The following SLC8A1 variants were observed in gnomAD, a reference collection of about 807,000 sequenced individuals.
SLC8A1 encodes the protein solute carrier family 8 member A1.
In SLC8A1, 18 loss-of-function variants were observed where a neutral mutation model predicts 68.3. That is an observed-to-expected ratio of 0.26 (90% confidence interval 0.18 to 0.39). SLC8A1 has a LOEUF of 0.39. Among genes scored for constraint, SLC8A1 ranks in the 10% least tolerant of loss-of-function variants. SLC8A1 has a pLI of 1.00. For synonymous variants in SLC8A1, 475 were observed against 415.5 expected (o/e 1.14, Z -1.74); for missense variants, 985 against 1,156.7 (o/e 0.85, Z 2.15).
intron 2 of SLC8A1, among the ~76,000 whole-genome samples, chr2:40,351,431 C>CAATCACTA (rs58132349): frequency 0.016 from 2,458 of 151,984 alleles, 75 homozygotes; most frequent in African/African-American, 0.056. Flanking sequence ...GAGACCATAC[C>CAATCACTA]AATCACTAGG....
At position 40,278,828 on chromosome 2, in the gene SLC8A1, C is replaced by G. The variant is rs190525077; in HGVS notation, c.1809-100973G>C. ...ACTTGACATCTAAACTCTTTAAAAA[C>G]ATGTAAAATTTAAATCAGTATTATT... On this transcript the variant is annotated intron_variant, in intron 2 of 7. Coordinates refer to ENST00000406785, the Ensembl canonical transcript of SLC8A1. Among the ~76,000 whole-genome samples the G allele has an allele frequency of 1.4e-3, 207 of 152,240 alleles. 4 individuals carry two copies. Among genetic ancestry groups the G allele is most frequent in the Non-Finnish European group, 7.4e-5 (5 of 68,018 alleles).
intron 2 of SLC8A1, among the ~76,000 whole-genome samples, chr2:40,272,100 C>A (rs547784039): frequency 6.6e-6 from 1 of 152,110 alleles, no homozygotes; most frequent in Non-Finnish European, 1.5e-5. Flanking sequence ...AACGCCTGGT[C>A]GCAAATGCTC....
chr2:40,463,849 C>T (rs10174143), intron 1 of SLC8A1, among the ~76,000 whole-genome samples: 22,626 of 83,902 alleles, frequency 0.27, 1,774 homozygotes, highest in Middle Eastern at 0.38. Flanking sequence ...TACACACACA[C>T]ACACACACAC....
chr2:40,241,751 C>T (rs1044286711), intron 2 of SLC8A1, among the ~76,000 whole-genome samples: 58 of 152,284 alleles, frequency 3.8e-4, no homozygotes, highest in African/African-American at 1.4e-3. Context: ...AAGAACTCCA[C>T]AGGCTTTGAG....
intron 6 of SLC8A1, among the ~76,000 whole-genome samples, chr2:40,152,701 C>T (rs559109887): frequency 6.6e-5 from 10 of 152,042 alleles, no homozygotes; most frequent in Admixed American, 1.3e-4. Flanking sequence ...CAAGTGTGAG[C>T]CACTGCACCT....
intron 2 of SLC8A1, among the ~76,000 whole-genome samples, chr2:40,248,732 T>G (rs975571259): frequency 6.6e-6 from 1 of 152,164 alleles, no homozygotes; most frequent in African/African-American, 2.4e-5. Context: ...ATAAATAGAC[T>G]GTCATGTGTA....
intron 2 of SLC8A1, among the ~76,000 whole-genome samples, chr2:40,382,304 G>A (rs1249733065): frequency 2.6e-5 from 4 of 152,088 alleles, no homozygotes; most frequent in South Asian, 2.1e-4. Context: ...TTGGTGAACT[G>A]AACATTCTCT....
chr2:40,142,498 T>C (rs867639921), intron 6 of SLC8A1, among the ~76,000 whole-genome samples: 1 of 152,234 alleles, frequency 6.6e-6, no homozygotes, highest in Non-Finnish European at 1.5e-5. Context: ...TAAAATGCTT[T>C]GGAAAGCATT....
chr2:40,353,644 G>C (rs1671797177), intron 2 of SLC8A1, among the ~76,000 whole-genome samples: 1 of 152,158 alleles, frequency 6.6e-6, no homozygotes, highest in Admixed American at 6.6e-5. Flanking sequence ...TGAAAACTAA[G>C]AGATAACAAA....
At chr2:40,225,556 C>T (rs1366778124) in intron 2 of SLC8A1, among the ~76,000 whole-genome samples, 1 of 152,104 alleles carries the variant, frequency 6.6e-6, no homozygotes, top group Non-Finnish European at 1.5e-5. Context: ...TATAATGAAT[C>T]TTGCAGAATC....
intron 2 of SLC8A1, among the ~76,000 whole-genome samples, chr2:40,289,242 CT>C (rs933206252): frequency 2.6e-5 from 4 of 151,764 alleles, no homozygotes; most frequent in African/African-American, 9.7e-5. Flanking sequence ...AAATAAGTTA[CT>C]TTGACAGAGT....
chr2:40,507,642 C>T (rs1706454193), intron 1 of SLC8A1, among the ~76,000 whole-genome samples: 1 of 151,962 alleles, frequency 6.6e-6, no homozygotes, highest in African/African-American at 2.4e-5. Context: ...GCCTTCAAAT[C>T]CTACTTCCTC....
At chr2:40,098,385 C>T (rs1216337993) in exon 8 of SLC8A1, 1 of 151,994 alleles carries the variant, frequency 6.6e-6, no homozygotes, top group Non-Finnish European at 1.5e-5. Context: ...CTAGTTCTTG[C>T]TAACTGCACA....
At chr2:40,219,615 C>T (rs1032329067) in intron 2 of SLC8A1, among the ~76,000 whole-genome samples, 7 of 152,204 alleles carry the variant, frequency 4.6e-5, no homozygotes, top group Admixed American at 3.3e-4. Flanking sequence ...TTTAAGAGGC[C>T]TCAGGCATTA....
At chr2:40,097,399 C>G (rs576268297) in exon 8 of SLC8A1, 1 of 152,090 alleles carries the variant, frequency 6.6e-6, no homozygotes, top group East Asian at 1.9e-4. Context: ...CAGTTTAACA[C>G]GATTAAACAT....
exon 8 of SLC8A1, chr2:40,104,833 G>A (rs1010227381): frequency 2.6e-5 from 4 of 151,968 alleles, no homozygotes; most frequent in Non-Finnish European, 4.4e-5. Context: ...CTATGATCCT[G>A]GAAAACACGC....
chr2:40,271,720 G>A (rs2066055252), intron 2 of SLC8A1, among the ~76,000 whole-genome samples: 1 of 152,130 alleles, frequency 6.6e-6, no homozygotes, highest in Non-Finnish European at 1.5e-5. Context: ...TATATTTGAT[G>A]AGCCCTTTTA....
intron 2 of SLC8A1, among the ~76,000 whole-genome samples, chr2:40,346,919 C>T (rs967091180): frequency 6.6e-6 from 1 of 152,116 alleles, no homozygotes; most frequent in South Asian, 2.1e-4. Flanking sequence ...CCTGGGTAAT[C>T]AGCCCACACA....
chr2:40,175,143 A>G (rs2048243135), intron 3 of SLC8A1, 118 bp downstream of exon 4: 2 of 1,069,204 alleles, frequency 1.9e-6, no homozygotes, highest in South Asian at 1.4e-5. Flanking sequence ...ATGGCCCTAA[A>G]CAACAATCTT....
Sources: allele counts gnomAD v4.1 joint callset (sites outside exome capture counted in the v4.1 genomes callset), GRCh38; gene constraint gnomAD v4.1.1; transcripts MANE v1.5; gene names NCBI Gene and HGNC (gene_info 2026-07-23, HGNC 2026-07-21).